TUBGCP5: variants seen among roughly 807,000 people sequenced by gnomAD.
The protein encoded by TUBGCP5 is gamma-tubulin complex component 5.
Under a neutral mutation model 134.7 loss-of-function variants are expected in TUBGCP5, and 98 were observed. The ratio of observed to expected loss-of-function variants is 0.73; its 90% confidence interval spans 0.62 to 0.86. The LOEUF is 0.86. Ranked by LOEUF, TUBGCP5 falls within the 40% of genes least tolerant of loss-of-function variation. TUBGCP5 has a pLI of 0.00. For missense variants in TUBGCP5, 1,150 were observed against 1,244.8 expected (o/e 0.92, Z 1.15); for synonymous variants, 456 against 431.4 (o/e 1.06, Z -0.71).
chr15:23,036,983 G>C lies in TUBGCP5; in HGVS notation c.223C>G (p.His75Asp). ...IEGIYEKFVIHSDLSKAASWK... is the reference protein window; with the variant it reads ...IEGIYEKFVIDSDLSKAASWK... The stretch of plus-strand genomic sequence containing the variant: ...CTAGCAGCTTTGCTTAGATCAGAAT[G>C]AATGACAAATTTTTCATAAATTCTA... Residue 75 changes from histidine to aspartate, a missense_variant, in exon 3 of 23, where the codon CAT becomes GAT. By Grantham distance (81) the His-to-Asp change is moderately conservative (BLOSUM62 -1). This residue lies in a region of TUBGCP5 where 453 missense variants were observed against 394.7 expected (regional missense o/e 1.15). Coordinates refer to ENST00000615383, the MANE Select transcript of TUBGCP5 (RefSeq NM_052903.6). 1 of 1,601,542 alleles carries C rather than the reference G, an allele frequency of 6.2e-7. No homozygotes were observed.
chr15:23,030,783 C>T (rs1156776418), intron 6 of TUBGCP5, 102 bp downstream of exon 6: 3 of 1,423,200 alleles, frequency 2.1e-6, no homozygotes, highest in East Asian at 2.4e-5. Context: ...GATGGTAGAG[C>T]TTAGCCAATA....
intron 16 of TUBGCP5, among the ~76,000 whole-genome samples, chr15:23,008,268 A>T (rs2064838521): frequency 2.0e-5 from 3 of 151,230 alleles, no homozygotes; most frequent in Admixed American, 2.0e-4. Context: ...CTCTGCCTCA[A>T]TTTTTTCTTT....
chr15:23,036,872 G>A, intron 3 of TUBGCP5, 25 bp downstream of exon 3: 1 of 1,379,090 alleles, frequency 7.3e-7, no homozygotes, highest in Non-Finnish European at 1.0e-6. Context: ...AATACACAGT[G>A]GAGATCTCAT....
In TUBGCP5 at chr15:23,039,487, C is replaced by A; in HGVS notation, c.57G>T (p.Val19=). Residue 19 remains valine (V), a synonymous_variant, in exon 1 of 23, where the codon GTG becomes GTT. Transcript: ENST00000615383. ...CGGCGACACCCCGGACGAGCTCCCGCACGTCGCGCTCCTGCTGCGCGTCCA... is the reference window on the plus strand; with the variant it reads ...CGGCGACACCCCGGACGAGCTCCCGAACGTCGCGCTCCTGCTGCGCGTCCA... ...SRLDAQQERD[V]RELVRGVAGL... The A allele has an allele frequency of 6.6e-7, 1 of 1,526,260 alleles. No homozygotes were observed. The highest frequency in any genetic ancestry group is 8.8e-7 in the Non-Finnish European group (1 of 1,132,478). 94.5% of individuals were successfully genotyped at this position (1,526,260 alleles called of 1,614,324 possible).
At chr15:23,005,406 C>G (rs763659592) in intron 19 of TUBGCP5, 26 bp downstream of exon 19, 1 of 1,610,898 alleles carries the variant, frequency 6.2e-7, no homozygotes, top group Admixed American at 1.7e-5. Flanking sequence ...GACGATAGAA[C>G]TGAAGCAGAT....
chr15:23,005,352 T>A (rs915972457), intron 19 of TUBGCP5, 80 bp downstream of exon 19: 1 of 1,486,420 alleles, frequency 6.7e-7, no homozygotes, highest in East Asian at 2.3e-5. Context: ...TTTTTACTTA[T>A]AAACATAGTA....
chr15:22,996,033 A>G (rs13380198), downstream of TUBGCP5, among the ~76,000 whole-genome samples: 1,072 of 152,312 alleles, frequency 7.0e-3, 5 homozygotes, highest in African/African-American at 0.023. Flanking sequence ...CTTCACCGTC[A>G]TCAGGATGTT....
chr15:23,024,221 C>T (rs1034653878), intron 9 of TUBGCP5, 28 bp from the exon 10 acceptor site: 1 of 1,604,194 alleles, frequency 6.2e-7, no homozygotes, highest in Non-Finnish European at 8.5e-7. Context: ...TGCAATTATT[C>T]AAAGGTGGTC....
chr15:23,014,544 G>T (rs1207329285), intron 13 of TUBGCP5, among the ~76,000 whole-genome samples: 1 of 152,156 alleles, frequency 6.6e-6, no homozygotes, highest in East Asian at 1.9e-4. Flanking sequence ...TGCCAGCCAA[G>T]CAGCCTTCCA....
chr15:23,030,710 T>C (rs374621815), intron 6 of TUBGCP5, among the ~76,000 whole-genome samples, 175 bp downstream of exon 6: 123 of 152,186 alleles, frequency 8.1e-4, no homozygotes, highest in African/African-American at 2.5e-3. Context: ...ATTAATTCTA[T>C]AGTACTACTA....
intron 3 of TUBGCP5, among the ~76,000 whole-genome samples, chr15:23,033,597 GTT>G (rs35082446): frequency 0.089 from 13,473 of 152,096 alleles, 1,054 homozygotes; most frequent in East Asian, 0.46. Context: ...AATTATAAGA[GTT>G]TATCTGTATA....
intron 13 of TUBGCP5, 74 bp downstream of exon 13, chr15:23,017,699 G>C: frequency 7.1e-7 from 1 of 1,413,100 alleles, no homozygotes; most frequent in Non-Finnish European, 9.5e-7. Flanking sequence ...AAATAATTAG[G>C]TATCAGGATG....
intron 14 of TUBGCP5, 151 bp from the exon 15 acceptor site, chr15:23,010,284 G>C (rs113379831): frequency 5.5e-6 from 5 of 917,336 alleles, no homozygotes; most frequent in African/African-American, 5.0e-5. Context: ...AATATCCTTT[G>C]AGTGAACCAG....
chr15:23,026,173 T>TA lies in TUBGCP5; in HGVS notation c.769dup (p.Tyr257LeufsTer5). On this transcript the variant is annotated frameshift_variant, in exon 8 of 23. Transcript: ENST00000615383. LOFTEE classifies it high-confidence loss of function. ...AACCAAAACCCTGTCATCTGGAACA[T>TA]ACAATGGATCACTGCTGTACAAGTG... is the stretch of plus-strand genomic sequence containing the variant. 6.2e-7 allele frequency: 1 copy of TA among 1,612,642 alleles called. No individual in the cohort carries two copies. The highest frequency in any genetic ancestry group is 8.5e-7 in the Non-Finnish European group (1 of 1,179,634).
chr15:23,016,969 G>GATATGTGT (rs1555439436), intron 13 of TUBGCP5, among the ~76,000 whole-genome samples: 1 of 109,436 alleles, frequency 9.1e-6, no homozygotes, highest in African/African-American at 3.6e-5. Context: ...AAAATTGTGA[G>GATATGTGT]ATATATATAT....
intron 5 of TUBGCP5, 25 bp from the exon 6 acceptor site, chr15:23,031,045 T>C (rs373317190): frequency 6.4e-5 from 102 of 1,600,858 alleles, no homozygotes; most frequent in Admixed American, 1.1e-4. Flanking sequence ...AGATACACTT[T>C]AGCTTTACAG....
At chr15:23,020,423 A>G (rs2065605930) in intron 11 of TUBGCP5, among the ~76,000 whole-genome samples, 1 of 150,826 alleles carries the variant, frequency 6.6e-6, no homozygotes, top group African/African-American at 2.4e-5. Flanking sequence ...AAAACAAAAA[A>G]AAACCCCAAA....
At chr15:22,986,147 A>AAAAAAT (rs1555430356) in intron 23 of TUBGCP5, among the ~76,000 whole-genome samples, 2 of 132,838 alleles carry the variant, frequency 1.5e-5, no homozygotes, top group African/African-American at 2.8e-5. Flanking sequence ...AAAAAAAAAA[A>AAAAAAT]AATAATAATA....
intron 13 of TUBGCP5, among the ~76,000 whole-genome samples, chr15:23,015,932 T>C (rs997835880): frequency 1.3e-5 from 2 of 152,102 alleles, no homozygotes; most frequent in Non-Finnish European, 2.9e-5. Flanking sequence ...GAAATCAATG[T>C]AGAAATACAT....
Sources: allele counts gnomAD v4.1 joint callset (sites outside exome capture counted in the v4.1 genomes callset), GRCh38; gene constraint gnomAD v4.1.1; regional missense constraint gnomAD v4.1.1; transcripts MANE v1.5; gene names NCBI Gene and HGNC (gene_info 2026-07-23, HGNC 2026-07-21).